Variants in GMNC observed in about 807,000 individuals in gnomAD.
The protein encoded by GMNC is geminin coiled-coil domain containing, also known as geminin coiled-coil domain-containing protein 1.
GMNC carries 16 observed loss-of-function variants against 33.6 expected under a neutral mutation model. The observed-to-expected ratio is 0.48, with a 90% CI of 0.32 to 0.72. The LOEUF (loss-of-function observed/expected upper bound fraction) is 0.72, where lower values mean the gene tolerates loss of function less well. Among genes scored for constraint, GMNC ranks in the 30% least tolerant of loss-of-function variants. The pLI is 0.03. For missense variants in GMNC, 393 were observed against 388.9 expected, an observed-to-expected ratio of 1.01 and a Z score of -0.09; for synonymous variants, 156 against 147.3, an observed-to-expected ratio of 1.06 and a Z score of -0.43.
intron 2 of GMNC, 86 bp downstream of exon 2, chr3:190,860,598 C>T: frequency 1.7e-6 from 2 of 1,174,606 alleles, no homozygotes; most frequent in Non-Finnish European, 2.3e-6. Context: ...GTCCCTTATT[C>T]TAGAGTCCCA....
At chr3:190,843,310 T>TA in the GMNC span, among the ~76,000 whole-genome samples, 1 of 151,994 alleles carries the variant, frequency 6.6e-6, no homozygotes, top group South Asian at 2.1e-4. Flanking sequence ...AAAAAAATGT[T>TA]AAAAAAATTC....
the GMNC span, among the ~76,000 whole-genome samples, chr3:190,846,940 A>G: frequency 6.6e-6 from 1 of 152,208 alleles, no homozygotes; most frequent in Non-Finnish European, 1.5e-5. Flanking sequence ...GACTGATAAT[A>G]TTATAACTGA....
intron 2 of GMNC, chr3:190,859,910 G>A (rs578152199): frequency 2.2e-5 from 9 of 414,690 alleles, no homozygotes; most frequent in African/African-American, 1.8e-4. Context: ...TGGGCATTTT[G>A]TTTTTACTGT....
intron 4 of GMNC, 71 bp from the exon 5 acceptor site, chr3:190,855,986 A>C: frequency 1.2e-5 from 14 of 1,177,018 alleles, no homozygotes; most frequent in Non-Finnish European, 1.5e-5. Context: ...TTTCGGAAAA[A>C]ATGCTTAAAT....
Position 190,861,455 on chromosome 3 carries a change from C to T in GMNC, c.4-597G>A, listed in dbSNP as rs552108392. On this transcript the variant is annotated intron_variant, in intron 1 of 4. Transcript: ENST00000442080. This position sits in a 1 kb window ranked among gnomAD's most constrained non-coding sequence, Gnocchi z 5.1. ...TCTGTCTGTCTGTCTGTCTGCCTAT[C>T]ATCTATCTATCTATCTATCTATCTA... 6.2e-5 allele frequency among the ~76,000 whole-genome samples: 9 copies of T among 145,896 alleles called. No homozygotes were observed. The highest frequency in any genetic ancestry group is 2.0e-4 in the African/African-American group (8 of 39,134).
chr3:190,855,542 A>G lies in GMNC; in HGVS notation c.758T>C (p.Leu253Ser). ...TTCTCCATGAGTGGCAGTGCTGTGC[A>G]AGGGGGTTGTTCTGTCACCTCTATA... ...IDYRGDRTTP[L>S]HSTATHGEDF... The change falls in exon 5 of 5, where the codon TTG (leucine) becomes TCG (serine). Residue 253 changes from leucine (L) to serine (S), a missense_variant. By Grantham distance (145) the Leu-to-Ser change is moderately radical. Coordinates refer to ENST00000442080, the MANE Select transcript of GMNC (RefSeq NM_001146686.3). 1 of 1,551,668 alleles carries G rather than the reference A, an allele frequency of 6.4e-7. No individual in the cohort carries two copies. The highest frequency in any genetic ancestry group is 8.7e-7 in the Non-Finnish European group (1 of 1,146,932).
chr3:190,861,466 CTATCTATCT>C lies in GMNC; in HGVS notation c.4-617_4-609del, dbSNP rs1560038763. 1.0e-4 allele frequency among the ~76,000 whole-genome samples: 15 copies of C among 148,108 alleles called. 1 individual carries two copies. The South Asian group carries it at 2.2e-3, about 22-fold the overall frequency. ...GTCTGTCTGCCTATCATCTATCTATCTATCTATCTATCTATCTATCTATCTATCTATCTA... is the reference window on the plus strand; with the variant it reads ...GTCTGTCTGCCTATCATCTATCTATCATCTATCTATCTATCTATCTATCTA... On this transcript the variant is annotated intron_variant, in intron 1 of 4. Coordinates refer to ENST00000442080, the MANE Select transcript of GMNC (RefSeq NM_001146686.3). The surrounding 1 kb of genome is among the most constrained non-coding windows in gnomAD (Gnocchi z 5.1).
Position 190,855,798 on chromosome 3 carries a change from T to C in GMNC, c.502A>G (p.Arg168Gly), listed in dbSNP as rs1213313205. Residue 168 changes from arginine (R) to glycine (G), a missense_variant, in exon 5 of 5, where the codon AGA (arginine) becomes GGA (glycine). Coordinates refer to ENST00000442080, the MANE Select transcript of GMNC (RefSeq NM_001146686.3). The part of the protein sequence containing the change: ...AEIPHPKNAK[R>G]NLSSEFANCE... ...TTAGCAAATTCACTAGAGAGGTTTC[T>C]TTTGGCATTTTTGGGATGGGGAATC... 2 of 1,551,548 alleles carry C rather than the reference T, an allele frequency of 1.3e-6. No homozygotes were observed. The highest frequency in any genetic ancestry group is 1.7e-6 in the Non-Finnish European group (2 of 1,146,918).
chr3:190,844,417 G>T, the GMNC span, among the ~76,000 whole-genome samples: 1 of 151,150 alleles, frequency 6.6e-6, no homozygotes. Context: ...CAATGAAGTT[G>T]CAATTGTGTT....
chr3:190,857,333 T>A (rs1737767962), intron 4 of GMNC, among the ~76,000 whole-genome samples: 1 of 151,910 alleles, frequency 6.6e-6, no homozygotes, highest in African/African-American at 2.4e-5. Flanking sequence ...TCACAGCATT[T>A]TAGATCTAGC....
chr3:190,851,754 G>A (rs761029573), downstream of GMNC, among the ~76,000 whole-genome samples: 2 of 151,870 alleles, frequency 1.3e-5, no homozygotes, highest in Non-Finnish European at 2.9e-5. Flanking sequence ...TTCTTGGTTC[G>A]TTGCTCCATT....
Position 190,855,969 on chromosome 3 carries a change from T to A in GMNC, c.385-54A>T, listed in dbSNP as rs1038019168. Reference sequence around the variant, plus strand: ...TTTTTTCATATATTTACTAGTTAACTAAATTATTTCGGAAAAAATGCTTAA... The same window carrying A: ...TTTTTTCATATATTTACTAGTTAACAAAATTATTTCGGAAAAAATGCTTAA... On this transcript the variant is annotated intron_variant, in intron 4 of 4. Transcript: ENST00000442080. The A allele has an allele frequency of 2.6e-5, 35 of 1,349,826 alleles. 1 individual carries two copies. Among genetic ancestry groups the A allele is most frequent in the Non-Finnish European group, 3.4e-5 (34 of 1,003,840 alleles). 83.6% of individuals were successfully genotyped at this position (1,349,826 alleles called of 1,614,324 possible).
At chr3:190,843,307 T>G in the GMNC span, among the ~76,000 whole-genome samples, 4 of 151,826 alleles carry the variant, frequency 2.6e-5, no homozygotes, top group Non-Finnish European at 4.4e-5. Flanking sequence ...TGGAAAAAAA[T>G]GTTAAAAAAA....
chr3:190,856,014 A>C (rs1013564854), intron 4 of GMNC, 99 bp from the exon 5 acceptor site: 88 of 873,016 alleles, frequency 1.0e-4, no homozygotes, highest in South Asian at 4.4e-4. Flanking sequence ...CACACAAGTA[A>C]GATGGATTGG....
the GMNC span, among the ~76,000 whole-genome samples, chr3:190,845,393 T>C: frequency 1.3e-5 from 2 of 152,128 alleles, no homozygotes; most frequent in Admixed American, 6.6e-5. Flanking sequence ...CAATCAAACC[T>C]CTTCTGTTCA....
intron 2 of GMNC, chr3:190,859,728 T>A: frequency 2.6e-6 from 1 of 390,408 alleles, no homozygotes; most frequent in East Asian, 7.2e-5. Context: ...TAAAAAACTA[T>A]GGTTGGGCAT....
rs140464725 is a variant in GMNC, at chr3:190,856,155, G to GTTA, written c.385-243_385-241dup. ...ATTTTTAAGATTTCAGCACCGGCAAGTTATTATTATTATAACAATAATAGC... is the reference window on the plus strand; with the variant it reads ...ATTTTTAAGATTTCAGCACCGGCAAGTTATTATTATTATTATAACAATAATAGC... On this transcript the variant is annotated intron_variant, in intron 4 of 4. Coordinates refer to ENST00000442080, the MANE Select transcript of GMNC (RefSeq NM_001146686.3). Among the ~76,000 whole-genome samples the GTTA allele has an allele frequency of 2.0e-5, 3 of 150,018 alleles. No homozygotes were observed. The East Asian group carries it at 5.9e-4, about 29-fold the overall frequency.
At chr3:190,844,552 C>G in the GMNC span, among the ~76,000 whole-genome samples, 4 of 151,300 alleles carry the variant, frequency 2.6e-5, no homozygotes, top group Non-Finnish European at 5.9e-5. Context: ...TTAGGGAATC[C>G]TTTATAAAAC....
At chr3:190,858,020 C>T (rs1737784672) in intron 3 of GMNC, 121 bp from the exon 4 acceptor site, 1 of 654,748 alleles carries the variant, frequency 1.5e-6, no homozygotes, top group Non-Finnish European at 2.8e-6. Flanking sequence ...AACACAAGCA[C>T]AGGGAGCCCT....
Sources: allele counts gnomAD v4.1 joint callset (sites outside exome capture counted in the v4.1 genomes callset), GRCh38; gene constraint gnomAD v4.1.1; non-coding constraint Gnocchi (gnomAD v3.1); transcripts MANE v1.5; gene names NCBI Gene and HGNC (gene_info 2026-07-23, HGNC 2026-07-21).